UNC79: variants seen among roughly 807,000 people sequenced by gnomAD.
The protein encoded by UNC79 is protein unc-79 homolog.
In UNC79, 37 loss-of-function variants were observed where a neutral mutation model predicts 283.1. The ratio of observed to expected loss-of-function variants is 0.13; its 90% confidence interval spans 0.10 to 0.17. UNC79 has a LOEUF of 0.17. Among genes scored for constraint, UNC79 ranks in the 10% least tolerant of loss-of-function variants. UNC79 has a pLI of 1.00. For synonymous variants in UNC79, 1,107 were observed against 1,200.2 expected, an observed-to-expected ratio of 0.92 and a Z score of 1.61; for missense variants, 2,272 against 3,211.1, an observed-to-expected ratio of 0.71 and a Z score of 7.07.
chr14:93,423,732 T>TA (rs1338057072), intron 1 of UNC79, among the ~76,000 whole-genome samples: 1 of 152,336 alleles, frequency 6.6e-6, no homozygotes, highest in East Asian at 1.9e-4. Context: ...ATTAAAGACT[T>TA]AAATTTAAGA....
intron 1 of UNC79, among the ~76,000 whole-genome samples, chr14:93,356,348 G>A (rs1490079676): frequency 6.6e-6 from 1 of 152,156 alleles, no homozygotes; most frequent in East Asian, 1.9e-4. Context: ...CACTCTTGTA[G>A]GCTGCAACCC....
downstream of UNC79, chr14:93,707,664 A>G (rs959868727): frequency 6.6e-6 from 1 of 152,264 alleles, no homozygotes; most frequent in Non-Finnish European, 1.5e-5. Flanking sequence ...TGAGTCCCTC[A>G]CTGGCACAGT....
intron 7 of UNC79, among the ~76,000 whole-genome samples, chr14:93,517,919 C>CTG (rs3060642): frequency 0.72 from 106,471 of 147,588 alleles, 38,522 homozygotes; most frequent in Admixed American, 0.82. Flanking sequence ...GTGTGTGTGT[C>CTG]TGTGTGTGTG....
chr14:93,609,762 T>C (rs1257632808), intron 26 of UNC79, among the ~76,000 whole-genome samples: 1 of 152,156 alleles, frequency 6.6e-6, no homozygotes, highest in African/African-American at 2.4e-5. Flanking sequence ...TATCCACAAC[T>C]CATTTTTCTT....
rs369604787 is a variant in UNC79 at position 93,526,246 on chromosome 14, A to G, written c.963+2204A>G. Among the ~76,000 whole-genome samples, 14 of 152,302 alleles carry G rather than the reference A, an allele frequency of 9.2e-5. No homozygotes were observed. The East Asian group carries it at 1.4e-3, about 15-fold the overall frequency. The stretch of plus-strand genomic sequence containing the variant: ...GCTGGGGCCATTTTTGCACTACAAT[A>G]GGTCTGGCTCAGTATTGCTCTTGCT... On this transcript the variant is annotated intron_variant, in intron 8 of 48. Transcript: ENST00000555664.
chr14:93,554,009 T>C (rs187422559), intron 14 of UNC79, among the ~76,000 whole-genome samples: 1 of 152,346 alleles, frequency 6.6e-6, no homozygotes, highest in East Asian at 1.9e-4. Context: ...AAAAATCCTT[T>C]AGTCTTTCAC....
At chr14:93,662,574 T>C (rs369324891) in intron 39 of UNC79, 30 bp from the exon 43 acceptor site, 2 of 1,435,506 alleles carry the variant, frequency 1.4e-6, no homozygotes, top group African/African-American at 2.8e-5. Context: ...AATCAGCAAT[T>C]GACTTTATTT....
At chr14:93,529,158 G>T in intron 9 of UNC79, 128 bp from the exon 10 acceptor site, 1 of 829,678 alleles carries the variant, frequency 1.2e-6, no homozygotes, top group Non-Finnish European at 1.9e-6. Flanking sequence ...AGTTTATTAT[G>T]ATAGTGCTCT....
chr14:93,379,640 T>G (rs1225277204), intron 1 of UNC79, among the ~76,000 whole-genome samples: 3 of 150,904 alleles, frequency 2.0e-5, no homozygotes, highest in Non-Finnish European at 4.4e-5. Flanking sequence ...GGATTCTAAT[T>G]TGCAGAAGTA....
chr14:93,475,823 T>C (rs186278154), intron 3 of UNC79, among the ~76,000 whole-genome samples: 2 of 152,346 alleles, frequency 1.3e-5, no homozygotes, highest in Non-Finnish European at 2.9e-5. Flanking sequence ...TTGCAATTAA[T>C]GTGTAAATTG....
At chr14:93,380,485 A>G (rs1032463321) in intron 1 of UNC79, among the ~76,000 whole-genome samples, 2 of 151,998 alleles carry the variant, frequency 1.3e-5, no homozygotes, top group Admixed American at 1.3e-4. Flanking sequence ...GCTTGGAGAA[A>G]TCCCCTTTGA....
chr14:93,334,421 A>G (rs1445301105), intron 1 of UNC79: 1 of 152,230 alleles, frequency 6.6e-6, no homozygotes, highest in African/African-American at 2.4e-5. Flanking sequence ...GGTAAGGGTC[A>G]CTTCAGTTGA....
intron 12 of UNC79, 106 bp downstream of exon 12, chr14:93,538,324 G>A: frequency 8.6e-7 from 1 of 1,156,628 alleles, no homozygotes; most frequent in South Asian, 1.7e-5. Flanking sequence ...AATGCCCTTA[G>A]CCCAGATGCT....
intron 41 of UNC79, among the ~76,000 whole-genome samples, chr14:93,681,716 A>T (rs1206007703): frequency 6.6e-6 from 1 of 152,222 alleles, no homozygotes; most frequent in Admixed American, 6.5e-5. Flanking sequence ...CAGGAAATAT[A>T]AATTGAACAG....
At chr14:93,616,970 T>C (rs2066778783) in intron 27 of UNC79, 152 bp from the exon 29 acceptor site, 2 of 618,744 alleles carry the variant, frequency 3.2e-6, no homozygotes, top group East Asian at 5.9e-5. Flanking sequence ...CCTTCTTGCG[T>C]ACTAGCCATT....
chr14:93,421,776 T>TAAA (rs35643188), intron 1 of UNC79, among the ~76,000 whole-genome samples: 2 of 144,566 alleles, frequency 1.4e-5, no homozygotes, highest in African/African-American at 5.0e-5. Flanking sequence ...GGAGATAGCT[T>TAAA]AAAAAAAAAA....
At chr14:93,513,065 G>C (rs888270722) in intron 7 of UNC79, among the ~76,000 whole-genome samples, 1 of 152,084 alleles carries the variant, frequency 6.6e-6, no homozygotes, top group African/African-American at 2.4e-5. Context: ...TTGCATCAAG[G>C]CTTAGCTTTA....
At chr14:93,490,334 A>G (rs906838642) in intron 5 of UNC79, among the ~76,000 whole-genome samples, 1 of 152,172 alleles carries the variant, frequency 6.6e-6, no homozygotes, top group Non-Finnish European at 1.5e-5. Context: ...TCATCCTGTC[A>G]ATACAGATAG....
chr14:93,384,961 T>G (rs2054739401), intron 1 of UNC79, among the ~76,000 whole-genome samples: 1 of 152,238 alleles, frequency 6.6e-6, no homozygotes, highest in Non-Finnish European at 1.5e-5. Context: ...ATGTATGTTC[T>G]TGGCACCTTT....
Sources: gnomAD v4.1 joint callset for allele counts (sites outside exome capture counted in the v4.1 genomes callset) on GRCh38, gnomAD v4.1.1 for gene constraint, MANE v1.5 for transcripts, NCBI Gene and HGNC (gene_info 2026-07-23, HGNC 2026-07-21) for gene names.